SIPA1L3: variants seen among roughly 807,000 people sequenced by gnomAD.
SIPA1L3 encodes the protein signal-induced proliferation-associated 1-like protein 3.
Under a neutral mutation model 150.1 loss-of-function variants are expected in SIPA1L3, and 59 were observed. The ratio of observed to expected loss-of-function variants is 0.39; its 90% CI spans 0.32 to 0.49. The LOEUF is 0.49. Among genes scored for constraint, SIPA1L3 ranks in the 20% least tolerant of loss-of-function variants. SIPA1L3 has a pLI of 0.86. For synonymous variants in SIPA1L3, 1,070 were observed against 1,077.6 expected (o/e 0.99, Z 0.14); for missense variants, 2,211 against 2,489.5 (o/e 0.89, Z 2.38).
rs759373283 is a variant in SIPA1L3, at chr19:38,192,162, C to T, written c.4448C>T (p.Thr1483Ile). 4 of 1,608,448 alleles carry T rather than the reference C, an allele frequency of 2.5e-6. No homozygotes were observed. The highest frequency in any genetic ancestry group is 2.5e-6 in the Non-Finnish European group (3 of 1,177,770). Residue 1483 changes from threonine (T) to isoleucine (I), a missense_variant, in exon 17 of 22, where the codon ACC (threonine) becomes ATC (isoleucine). By Grantham distance (89) the Thr-to-Ile change is moderately conservative (BLOSUM62 -1). This residue lies in a region of SIPA1L3 where 806 missense variants were observed against 870.1 expected (regional missense o/e 0.93). Coordinates refer to ENST00000222345, the MANE Select transcript of SIPA1L3 (RefSeq NM_015073.3). ...SDPKKQVDTN[T>I]KNVFGQPRLR... ...CATTCCAGGCAGGTGGACACGAACA[C>T]CAAAAATGTCTTTGGGCAACCGAGG... is the stretch of plus-strand genomic sequence containing the variant.
At chr19:38,076,513 C>T (rs1396815802) in intron 2 of SIPA1L3, among the ~76,000 whole-genome samples, 3 of 152,204 alleles carry the variant, frequency 2.0e-5, no homozygotes, top group Non-Finnish European at 4.4e-5. Context: ...ATCATCTCCG[C>T]ATGAGCAGTT....
chr19:38,134,463 C>G (rs1971387433), intron 10 of SIPA1L3, among the ~76,000 whole-genome samples: 1 of 140,784 alleles, frequency 7.1e-6, no homozygotes, highest in South Asian at 2.4e-4. Flanking sequence ...AATCCCAGCA[C>G]TTTCGGAGGC....
chr19:37,953,048 C>G (rs1230199575), intron 1 of SIPA1L3, among the ~76,000 whole-genome samples: 1 of 152,122 alleles, frequency 6.6e-6, no homozygotes, highest in Non-Finnish European at 1.5e-5. Context: ...TGGTGAAACT[C>G]CGTCTGTACT....
In SIPA1L3 at chr19:38,206,409, AGC is replaced by A; in HGVS notation, c.*174_*175del. ...CTCACTAGGGCTGTGAGTCAGGGTC[AGC>A]GCGCACAGCCCTCATGCCCCAGAGG... On this transcript the variant is annotated 3_prime_UTR_variant, in exon 22 of 22. Coordinates refer to ENST00000222345, the MANE Select transcript of SIPA1L3 (RefSeq NM_015073.3). 1.3e-6 allele frequency: 1 copy of A among 786,886 alleles called. No individual in the cohort carries two copies. The highest frequency in any genetic ancestry group is 2.0e-5 in the South Asian group (1 of 51,146). 48.7% of individuals were successfully genotyped at this position (786,886 alleles called of 1,614,324 possible).
At chr19:37,970,650 C>T (rs947739625) in intron 1 of SIPA1L3, among the ~76,000 whole-genome samples, 2 of 152,240 alleles carry the variant, frequency 1.3e-5, no homozygotes, top group Non-Finnish European at 2.9e-5. Context: ...GAACCCTCCT[C>T]TCCTGCAGGA....
At chr19:38,042,518 A>T (rs1328697457) in intron 2 of SIPA1L3, among the ~76,000 whole-genome samples, 1 of 152,222 alleles carries the variant, frequency 6.6e-6, no homozygotes, top group Admixed American at 6.5e-5. Flanking sequence ...ATACTTGGGA[A>T]TACTTAACAA....
chr19:37,953,304 C>T (rs190102485), intron 1 of SIPA1L3, among the ~76,000 whole-genome samples: 3 of 152,254 alleles, frequency 2.0e-5, no homozygotes, highest in Admixed American at 1.3e-4. Context: ...CTAAACCTGG[C>T]GTATCGCATC....
Position 38,011,785 on chromosome 19 carries a change from T to C in SIPA1L3, c.-378-17304T>C, listed in dbSNP as rs188807258. ...AATCCTTCTGGCTGTGGGTGGAGAA[T>C]AGAATGTAGGAAGGCAAAGGTGGCC... is the stretch of plus-strand genomic sequence containing the variant. On this transcript the variant is annotated intron_variant, in intron 1 of 21. Transcript: ENST00000222345. Among the ~76,000 whole-genome samples the C allele has an allele frequency of 3.1e-3, 470 of 152,074 alleles. 2 individuals carry two copies. The highest frequency in any genetic ancestry group is 0.011 in the African/African-American group (436 of 41,486).
At chr19:37,973,560 A>G (rs4803641) in intron 1 of SIPA1L3, among the ~76,000 whole-genome samples, 12,976 of 92,964 alleles carry the variant, frequency 0.14, 2,218 homozygotes, top group East Asian at 0.42. Context: ...AAAAAGCGGG[A>G]GGGGGGCGCA....
chr19:37,949,079 G>A (rs942357187), intron 1 of SIPA1L3, among the ~76,000 whole-genome samples: 2 of 152,184 alleles, frequency 1.3e-5, no homozygotes, highest in African/African-American at 4.8e-5. Context: ...AAGCCTCAAA[G>A]AATTGTGAGA....
intron 3 of SIPA1L3, among the ~76,000 whole-genome samples, chr19:38,083,400 G>A (rs960367173): frequency 1.4e-4 from 21 of 152,380 alleles, no homozygotes; most frequent in Admixed American, 1.1e-3. Flanking sequence ...GCCTGGGGAT[G>A]TAGTATCAAC....
intron 9 of SIPA1L3, among the ~76,000 whole-genome samples, chr19:38,122,617 T>C (rs1224980837): frequency 6.6e-6 from 1 of 152,200 alleles, no homozygotes; most frequent in Non-Finnish European, 1.5e-5. Flanking sequence ...CAGGTCACTC[T>C]AGGTTAAAGC....
chr19:38,154,667 C>T (rs1256275995), intron 13 of SIPA1L3, among the ~76,000 whole-genome samples: 2 of 151,836 alleles, frequency 1.3e-5, no homozygotes, highest in Non-Finnish European at 2.9e-5. Flanking sequence ...AGGCTCGTCT[C>T]GAACTCCTGA....
chr19:37,959,839 G>A (rs563318975), intron 1 of SIPA1L3, among the ~76,000 whole-genome samples: 1 of 143,906 alleles, frequency 6.9e-6, no homozygotes, highest in Admixed American at 6.9e-5. Flanking sequence ...TTTTTAATTG[G>A]GTCTCTAGGG....
intron 1 of SIPA1L3, among the ~76,000 whole-genome samples, chr19:38,007,740 A>G (rs1299227643): frequency 2.0e-4 from 30 of 151,902 alleles, no homozygotes; most frequent in Admixed American, 2.0e-3. Flanking sequence ...CATGTGTGTA[A>G]GTATCTTGGT....
At position 38,082,702 on chromosome 19, in the gene SIPA1L3, G is replaced by A. The variant is rs776797195; in HGVS notation, c.1137G>A (p.Ser379=). Residue 379 remains serine (S), a synonymous_variant, in exon 3 of 22, where the codon TCG becomes TCA. Transcript: ENST00000222345. The stretch of plus-strand genomic sequence containing the variant: ...GTGCTTCGGCCGCTTCCGCCGCCTC[G>A]GCCATGGCCTCCCTCACGGCCTCGC... The part of the protein sequence containing the change: ...TTGASAASAA[S]AMASLTASRA... 3.2e-5 allele frequency: 51 copies of A among 1,610,194 alleles called. No homozygotes were observed. The highest frequency in any genetic ancestry group is 1.1e-4 in the East Asian group (5 of 44,804).
At chr19:37,950,888 G>T (rs1445143694) in intron 1 of SIPA1L3, among the ~76,000 whole-genome samples, 1 of 152,258 alleles carries the variant, frequency 6.6e-6, no homozygotes, top group Admixed American at 6.5e-5. Context: ...CCTGGCTGTG[G>T]GTTGGCATCA....
In SIPA1L3 at chr19:38,130,776, AG is replaced by A; in HGVS notation, c.3143+7del. 6.3e-7 allele frequency: 1 copy of A among 1,595,406 alleles called. No homozygotes were observed. The highest frequency in any genetic ancestry group is 8.6e-7 in the Non-Finnish European group (1 of 1,167,192). On this transcript the variant is annotated splice_donor_5th_base_variant and intron_variant, in intron 10 of 21. Transcript: ENST00000222345. ...TTGAGGACGGCACTCCCCGGAGGTA[AG>A]GGCCTCCACCTTTCAGCCAGGTGGT...
Position 38,070,191 on chromosome 19 carries a change from CCTATCTATCTAT to C in SIPA1L3, c.-310-11044_-310-11033del, listed in dbSNP as rs10546386. On this transcript the variant is annotated intron_variant, in intron 2 of 21. Transcript: ENST00000222345. ...CCTCCCAACTATAGTGATCTTCAGT[CCTATCTATCTAT>C]CTATCTATCTATCTATCTATTTTTG... 1.1e-4 allele frequency among the ~76,000 whole-genome samples: 16 copies of C among 148,848 alleles called. No homozygotes were observed. In the South Asian group the frequency reaches 2.4e-3, roughly 22 times the overall value.
Sources: allele counts gnomAD v4.1 joint callset (sites outside exome capture counted in the v4.1 genomes callset), GRCh38; gene constraint gnomAD v4.1.1; regional missense constraint gnomAD v4.1.1; transcripts MANE v1.5; gene names NCBI Gene and HGNC (gene_info 2026-07-23, HGNC 2026-07-21).